The following MCTP1 variants were observed in gnomAD, a reference collection of about 807,000 sequenced individuals.
MCTP1 encodes multiple C2 and transmembrane domain containing 1, also known as multiple C2 and transmembrane domain-containing protein 1.
A neutral mutation model predicts 120.6 loss-of-function variants in MCTP1; 69 were observed. That is an observed-to-expected ratio of 0.57 (90% confidence interval 0.47 to 0.70). MCTP1 has a LOEUF of 0.70. MCTP1 is among the 30% of genes least tolerant of loss of function. MCTP1 has a pLI of 0.00. For synonymous variants in MCTP1, 529 were observed against 493.1 expected, an observed-to-expected ratio of 1.07 and a Z score of -0.96; for missense variants, 1,203 against 1,248.8, an observed-to-expected ratio of 0.96 and a Z score of 0.55.
Position 95,099,737 on chromosome 5 carries a change from T to A in MCTP1, c.721-82253A>T, listed in dbSNP as rs534544472. On this transcript the variant is annotated intron_variant, in intron 1 of 22. Transcript: ENST00000515393. ...CGGCGATTCCTCAGGGATCTAGAAC[T>A]AGAAATACCATTTGACCCAGCCATC... Among the ~76,000 whole-genome samples, 14 of 151,522 alleles carry A rather than the reference T, an allele frequency of 9.2e-5. No individual in the cohort carries two copies. The East Asian group carries it at 2.5e-3, about 27-fold the overall frequency.
chr5:94,954,147 CATATATAT>C lies in MCTP1; in HGVS notation c.839-794_839-787del, dbSNP rs1554151244. 4.9e-4 allele frequency among the ~76,000 whole-genome samples: 16 copies of C among 32,506 alleles called. 2 individuals are homozygous for C. The East Asian group carries it at 5.2e-3, about 11-fold the overall frequency. The allele number at this position is 32,506 out of a possible 152,430, so 21.3% of individuals were successfully genotyped here. A position where few individuals can be genotyped will look rare whatever the true frequency, so the allele number is the denominator to read the frequency against. On this transcript the variant is annotated intron_variant, in intron 2 of 22. Coordinates refer to ENST00000515393, the MANE Select transcript of MCTP1 (RefSeq NM_024717.7). ...ACAAATATATATATGCATATATATA[CATATATAT>C]ATGCATATATATACATATATATATA...
chr5:94,863,121 A>T (rs1796131379), intron 17 of MCTP1, among the ~76,000 whole-genome samples: 1 of 151,838 alleles, frequency 6.6e-6, no homozygotes, highest in South Asian at 2.1e-4. Flanking sequence ...TGTCAGAGGA[A>T]ACATACATGA....
chr5:94,788,592 G>GATCAAGACT (rs1302164767), intron 18 of MCTP1, among the ~76,000 whole-genome samples: 1 of 152,098 alleles, frequency 6.6e-6, no homozygotes, highest in East Asian at 1.9e-4. Context: ...CCACCAAACA[G>GATCAAGACT]AGAACAATGA....
chr5:95,162,158 T>C (rs1311230595), intron 1 of MCTP1, among the ~76,000 whole-genome samples: 1 of 152,196 alleles, frequency 6.6e-6, no homozygotes, highest in Non-Finnish European at 1.5e-5. Flanking sequence ...ATAGCATTGA[T>C]AATATTTTAG....
intron 1 of MCTP1, among the ~76,000 whole-genome samples, chr5:95,223,201 C>T (rs1562253192): frequency 6.6e-6 from 1 of 152,118 alleles, no homozygotes; most frequent in Non-Finnish European, 1.5e-5. Flanking sequence ...TCTATAATCC[C>T]AACATTTTGG....
At chr5:95,228,929 C>T (rs904078290) in intron 1 of MCTP1, among the ~76,000 whole-genome samples, 71 of 152,250 alleles carry the variant, frequency 4.7e-4, no homozygotes, top group African/African-American at 1.6e-3. Flanking sequence ...TCCTGTACAG[C>T]GTGAAGAACT....
chr5:94,934,095 A>G lies in MCTP1; in HGVS notation c.1174-2104T>C, dbSNP rs1412877922. On this transcript the variant is annotated intron_variant, in intron 5 of 22. Transcript: ENST00000515393. ...TGCCTCTTGAGCCAAATCTACTACC[A>G]AAGCAATGGGTTTAAGTATCTCACT... Among the ~76,000 whole-genome samples the G allele has an allele frequency of 2.6e-5, 4 of 151,828 alleles. No homozygotes were observed. In the South Asian group the frequency reaches 6.2e-4, roughly 24 times the overall value.
chr5:94,707,485 C>A lies in MCTP1; in HGVS notation c.*11G>T. ...CAAACAGATGCTGGTCTCCTCAGTGCTGGGAGCTGGCTAGCCAAGATTGTT... is the reference window on the plus strand; with the variant it reads ...CAAACAGATGCTGGTCTCCTCAGTGATGGGAGCTGGCTAGCCAAGATTGTT... On this transcript the variant is annotated 3_prime_UTR_variant, in exon 23 of 23. Coordinates refer to ENST00000515393, the MANE Select transcript of MCTP1 (RefSeq NM_024717.7). 1 of 1,606,424 alleles carries A rather than the reference C, an allele frequency of 6.2e-7. No individual in the cohort carries two copies. The highest frequency in any genetic ancestry group is 8.5e-7 in the Non-Finnish European group (1 of 1,173,798).
intron 7 of MCTP1, among the ~76,000 whole-genome samples, chr5:94,923,577 A>G (rs568900379): frequency 6.6e-6 from 1 of 152,244 alleles, no homozygotes; most frequent in South Asian, 2.1e-4. Context: ...ACAGAAGTAA[A>G]TATTTTTCTC....
Position 94,853,744 on chromosome 5 carries a change from A to C in MCTP1, c.2436+14589T>G, listed in dbSNP as rs142706461. Among the ~76,000 whole-genome samples, 19 of 152,054 alleles carry C rather than the reference A, an allele frequency of 1.2e-4. No individual in the cohort carries two copies. The East Asian group carries it at 3.1e-3, about 25-fold the overall frequency. Reference sequence around the variant, plus strand: ...TACTTGCTCTCTGATATCTCAATTAAAACCTTTTACACCTGCTTGTACATA... The same window carrying C: ...TACTTGCTCTCTGATATCTCAATTACAACCTTTTACACCTGCTTGTACATA... On this transcript the variant is annotated intron_variant, in intron 17 of 22. Coordinates refer to ENST00000515393, the MANE Select transcript of MCTP1 (RefSeq NM_024717.7).
intron 1 of MCTP1, among the ~76,000 whole-genome samples, chr5:95,208,699 A>G (rs1751963103): frequency 6.6e-6 from 1 of 151,498 alleles, no homozygotes; most frequent in Non-Finnish European, 1.5e-5. Context: ...AAAAAGAGAT[A>G]CCAAACCTGT....
intron 19 of MCTP1, among the ~76,000 whole-genome samples, chr5:94,746,885 G>A (rs552125165): frequency 6.6e-6 from 1 of 152,312 alleles, no homozygotes; most frequent in Non-Finnish European, 1.5e-5. Flanking sequence ...ATATTTTGCT[G>A]TGGCTAAATT....
chr5:95,021,735 T>C (rs1167016800), intron 1 of MCTP1, among the ~76,000 whole-genome samples: 1 of 152,114 alleles, frequency 6.6e-6, no homozygotes, highest in African/African-American at 2.4e-5. Flanking sequence ...ATAATGCCTT[T>C]TTGACTCTTA....
chr5:94,759,014 A>C (rs1561585717), intron 19 of MCTP1, among the ~76,000 whole-genome samples: 1 of 152,228 alleles, frequency 6.6e-6, no homozygotes, highest in Non-Finnish European at 1.5e-5. Flanking sequence ...CTTTCAACTT[A>C]TAGTACATTT....
intron 1 of MCTP1, among the ~76,000 whole-genome samples, chr5:95,109,564 G>T (rs749744882): frequency 6.6e-6 from 1 of 151,690 alleles, no homozygotes; most frequent in African/African-American, 2.4e-5. Context: ...AAAAAATTTC[G>T]TACCAGAAAG....
At chr5:94,929,812 G>T in intron 6 of MCTP1, 2 of 313,060 alleles carry the variant, frequency 6.4e-6, no homozygotes, top group South Asian at 1.3e-4. Context: ...ATGTTTTAGG[G>T]CACAGTAAAA....
At chr5:94,970,408 A>C (rs115732566) in intron 2 of MCTP1, among the ~76,000 whole-genome samples, 1 of 152,000 alleles carries the variant, frequency 6.6e-6, no homozygotes, top group Non-Finnish European at 1.5e-5. Flanking sequence ...ATTCCCTTTC[A>C]TATCTGACAT....
intron 19 of MCTP1, among the ~76,000 whole-genome samples, chr5:94,723,053 TTC>T (rs1315856284): frequency 6.6e-6 from 1 of 152,220 alleles, no homozygotes; most frequent in African/African-American, 2.4e-5. Context: ...CCAATCTTTC[TTC>T]TTTTTCAGAT....
chr5:95,095,775 T>G (rs1756214104), intron 1 of MCTP1, among the ~76,000 whole-genome samples: 1 of 152,194 alleles, frequency 6.6e-6, no homozygotes, highest in African/African-American at 2.4e-5. Flanking sequence ...AGTGAATGCC[T>G]GAAGCAGACT....
Sources: allele counts gnomAD v4.1 joint callset (sites outside exome capture counted in the v4.1 genomes callset), GRCh38; gene constraint gnomAD v4.1.1; transcripts MANE v1.5; gene names NCBI Gene and HGNC (gene_info 2026-07-23, HGNC 2026-07-21).